The following PHACTR1 variants were observed in gnomAD, a reference collection of about 807,000 sequenced individuals.
PHACTR1 encodes phosphatase and actin regulator 1, also known as RPEL repeat containing 1.
In PHACTR1, 16 loss-of-function variants were observed where a neutral mutation model predicts 69.2. The observed-to-expected ratio is 0.23, with a 90% CI of 0.16 to 0.35. The LOEUF (loss-of-function observed/expected upper bound fraction) is 0.35, where lower values mean the gene tolerates loss of function less well. Ranked by LOEUF, PHACTR1 falls within the 10% of genes least tolerant of loss-of-function variation. The pLI, the probability that PHACTR1 is intolerant of heterozygous loss-of-function variation, is 1.00. For missense variants in PHACTR1, 510 were observed against 734.7 expected (o/e 0.69, Z 3.54); for synonymous variants, 312 against 284.5 (o/e 1.10, Z -0.97).
chr6:13,010,290 G>C (rs1799301618), intron 4 of PHACTR1, among the ~76,000 whole-genome samples: 1 of 152,094 alleles, frequency 6.6e-6, no homozygotes, highest in East Asian at 1.9e-4. Context: ...ACCACACCCA[G>C]CTAATTTTTG....
At chr6:13,284,714 A>T (rs1033495378) in intron 13 of PHACTR1, among the ~76,000 whole-genome samples, 1 of 151,660 alleles carries the variant, frequency 6.6e-6, no homozygotes, top group East Asian at 1.9e-4. Flanking sequence ...GGGTTTTCTT[A>T]TATGATACAG....
chr6:13,073,546 G>A (rs1234576388), intron 5 of PHACTR1, among the ~76,000 whole-genome samples: 1 of 151,640 alleles, frequency 6.6e-6, no homozygotes, highest in Admixed American at 6.6e-5. Flanking sequence ...GTTTCACCAT[G>A]TTGTCCAGGC....
At chr6:12,989,403 T>C (rs953398655) in intron 4 of PHACTR1, among the ~76,000 whole-genome samples, 3 of 152,178 alleles carry the variant, frequency 2.0e-5, no homozygotes, top group African/African-American at 7.2e-5. Flanking sequence ...AAGAAAGTTA[T>C]CATCAGGAGG....
chr6:12,878,499 A>G (rs556130118), intron 4 of PHACTR1, among the ~76,000 whole-genome samples: 1 of 152,224 alleles, frequency 6.6e-6, no homozygotes, highest in Non-Finnish European at 1.5e-5. Context: ...ACAAGAAAGT[A>G]AGTCTCTTGA....
chr6:13,250,838 G>T (rs1774288181), intron 10 of PHACTR1, among the ~76,000 whole-genome samples: 1 of 152,174 alleles, frequency 6.6e-6, no homozygotes, highest in Non-Finnish European at 1.5e-5. Flanking sequence ...CAAGACAGGT[G>T]GTGCACAAAT....
intron 7 of PHACTR1, among the ~76,000 whole-genome samples, chr6:13,203,900 G>A (rs1054808095): frequency 2.6e-5 from 4 of 152,286 alleles, no homozygotes; most frequent in African/African-American, 9.6e-5. Context: ...TGTGGAAGGT[G>A]AGGATCCTGG....
At chr6:13,117,242 A>C (rs528883457) in intron 5 of PHACTR1, among the ~76,000 whole-genome samples, 1 of 152,360 alleles carries the variant, frequency 6.6e-6, no homozygotes, top group Non-Finnish European at 1.5e-5. Context: ...TAAAGACAAG[A>C]GACCACTTGG....
intron 4 of PHACTR1, among the ~76,000 whole-genome samples, chr6:13,017,032 C>T (rs55800415): frequency 3.3e-5 from 5 of 152,078 alleles, no homozygotes; most frequent in Non-Finnish European, 7.4e-5. Flanking sequence ...ACTAAAAATA[C>T]AAAAATTAGC....
intron 5 of PHACTR1, among the ~76,000 whole-genome samples, chr6:13,088,922 C>CA (rs763214110): frequency 2.6e-5 from 4 of 152,046 alleles, no homozygotes; most frequent in African/African-American, 9.7e-5. Flanking sequence ...GACAGTCTTG[C>CA]AAAAAGAGGG....
chr6:12,848,031 C>T (rs980056689), intron 4 of PHACTR1, among the ~76,000 whole-genome samples: 1 of 152,088 alleles, frequency 6.6e-6, no homozygotes, highest in African/African-American at 2.4e-5. Context: ...TGCAGCTGAT[C>T]ATTGGGCAGT....
At chr6:13,163,746 T>C (rs2113572835) in intron 6 of PHACTR1, among the ~76,000 whole-genome samples, 1 of 152,340 alleles carries the variant, frequency 6.6e-6, no homozygotes, top group South Asian at 2.1e-4. Context: ...TGTGCAACTT[T>C]AGTCAAGTTG....
intron 6 of PHACTR1, among the ~76,000 whole-genome samples, chr6:13,175,398 G>T (rs966439025): frequency 2.0e-5 from 3 of 152,078 alleles, no homozygotes; most frequent in Non-Finnish European, 4.4e-5. Context: ...TCTTTTCAAG[G>T]GGCAGACACT....
intron 4 of PHACTR1, among the ~76,000 whole-genome samples, chr6:13,006,537 G>A (rs1798815286): frequency 1.3e-5 from 2 of 152,080 alleles, no homozygotes; most frequent in African/African-American, 4.8e-5. Context: ...ATCTTATGAT[G>A]TTAGTATGAT....
At chr6:12,825,316 CAA>C (rs71552719) in intron 4 of PHACTR1, among the ~76,000 whole-genome samples, 13 of 131,184 alleles carry the variant, frequency 9.9e-5, no homozygotes, top group Non-Finnish European at 3.3e-5. Flanking sequence ...CTCTCTCTCT[CAA>C]AAAAAAAAAA....
chr6:13,231,232 G>GAGAGAAAGAAAGAAGGAA (rs1204849856), intron 10 of PHACTR1, among the ~76,000 whole-genome samples: 1 of 139,102 alleles, frequency 7.2e-6, no homozygotes, highest in Non-Finnish European at 1.5e-5. Flanking sequence ...AAGAAGGAAA[G>GAGAGAAAGAAAGAAGGAA]AGAGAAAGAA....
intron 11 of PHACTR1, among the ~76,000 whole-genome samples, chr6:13,277,326 A>G (rs1415608905): frequency 1.3e-5 from 2 of 152,222 alleles, no homozygotes; most frequent in African/African-American, 4.8e-5. Flanking sequence ...CCACTCCTAA[A>G]GAGTCTACAT....
At chr6:13,018,266 A>G (rs1304405285) in intron 4 of PHACTR1, among the ~76,000 whole-genome samples, 3 of 152,164 alleles carry the variant, frequency 2.0e-5, no homozygotes, top group Non-Finnish European at 2.9e-5. Flanking sequence ...CCGAGGTCGA[A>G]CCACCATTTG....
intron 4 of PHACTR1, among the ~76,000 whole-genome samples, chr6:12,847,272 T>G (rs1779381070): frequency 6.6e-6 from 1 of 152,190 alleles, no homozygotes; most frequent in African/African-American, 2.4e-5. Flanking sequence ...TGTATATGTA[T>G]AAATATACAG....
At chr6:13,239,242 G>C (rs1434791622) in intron 10 of PHACTR1, among the ~76,000 whole-genome samples, 1 of 152,228 alleles carries the variant, frequency 6.6e-6, no homozygotes, top group East Asian at 1.9e-4. Flanking sequence ...AACTGAAATT[G>C]TGTGTTGGGA....
Sources: allele counts gnomAD v4.1 joint callset (sites outside exome capture counted in the v4.1 genomes callset), GRCh38; gene constraint gnomAD v4.1.1; transcripts MANE v1.5; gene names NCBI Gene and HGNC (gene_info 2026-07-23, HGNC 2026-07-21).